The following OCA2 variants were observed in gnomAD, a reference collection of about 807,000 sequenced individuals.
OCA2 encodes the protein OCA2 melanosomal transmembrane protein.
In OCA2, 77 loss-of-function variants were observed where a neutral mutation model predicts 100.2. The observed-to-expected ratio is 0.77, with a 90% CI of 0.64 to 0.93. The LOEUF (loss-of-function observed/expected upper bound fraction) is 0.93, where lower values mean the gene tolerates loss of function less well. Among genes scored for constraint, OCA2 ranks in the 40% least tolerant of loss-of-function variants. The pLI, the probability that OCA2 is intolerant of heterozygous loss-of-function variation, is 0.00. For missense variants in OCA2, 1,062 were observed against 1,089.1 expected (o/e 0.98, Z 0.35); for synonymous variants, 432 against 439.2 (o/e 0.98, Z 0.21).
chr15:27,722,732 TTTCTTTC>T, the OCA2 span, among the ~76,000 whole-genome samples: 1 of 44,032 alleles, frequency 2.3e-5, no homozygotes, highest in Non-Finnish European at 8.1e-5. Flanking sequence ...TTCTTCTTTC[TTTCTTTC>T]TTCTTTCTTC....
At chr15:27,896,309 T>A in intron 19 of OCA2, 2 of 943,076 alleles carry the variant, frequency 2.1e-6, no homozygotes, top group Admixed American at 3.4e-5. Flanking sequence ...ATGTTGCAGA[T>A]TACATGTGCT....
At chr15:27,821,638 A>ATGTG (rs1308257698) in intron 23 of OCA2, among the ~76,000 whole-genome samples, 18 of 115,120 alleles carry the variant, frequency 1.6e-4, no homozygotes, top group Admixed American at 7.8e-4. Flanking sequence ...ACACTTGCAC[A>ATGTG]CAAGTGTGCA....
chr15:28,093,741 C>G (rs145167674), intron 1 of OCA2, among the ~76,000 whole-genome samples: 113 of 152,130 alleles, frequency 7.4e-4, no homozygotes, highest in African/African-American at 2.7e-3. Flanking sequence ...GCATGCATGC[C>G]GGGAAGACCA....
At chr15:27,764,266 T>C (rs755218461) in intron 23 of OCA2, among the ~76,000 whole-genome samples, 29 of 150,224 alleles carry the variant, frequency 1.9e-4, no homozygotes, top group Middle Eastern at 7.0e-3. Flanking sequence ...GGGGAGGAGA[T>C]TGGCATCAAA....
Position 27,957,688 on chromosome 15 carries a change from T to G in OCA2, c.1684A>C (p.Ser562Arg), listed in dbSNP as rs757332596. The change falls in exon 16 of 24, where the codon AGC becomes CGC. Residue 562 changes from serine (S) to arginine (R), a missense_variant. Coordinates refer to ENST00000354638, the MANE Select transcript of OCA2 (RefSeq NM_000275.3). The surrounding 1 kb of genome is among the most constrained non-coding windows in gnomAD (Gnocchi z 4.3). Reference sequence around the variant, plus strand: ...GCTGTCTCCTCGCGGCTGGCCGGGCTGATGCGCTGAGCAGTCAGGCGCCAG... The same window carrying G: ...GCTGTCTCCTCGCGGCTGGCCGGGCGGATGCGCTGAGCAGTCAGGCGCCAG... The part of the protein sequence containing the change: ...HVWRLTAQRI[S>R]PASREETAVR... The G allele has an allele frequency of 6.2e-7, 1 of 1,613,094 alleles. No individual in the cohort carries two copies. The highest frequency in any genetic ancestry group is 1.7e-5 in the Admixed American group (1 of 60,020).
At chr15:28,064,201 T>C (rs1006044752) in intron 2 of OCA2, among the ~76,000 whole-genome samples, 13 of 152,186 alleles carry the variant, frequency 8.5e-5, no homozygotes, top group Non-Finnish European at 1.3e-4. Flanking sequence ...ACAAGTCACT[T>C]CTCTCTCAGT....
chr15:27,957,496 G>C lies in OCA2; in HGVS notation c.1784+92C>G. ...ACAGTGTGCGTCACCTAAATATCAC[G>C]TATTAGTATACAGCTAATGTCGCTA... On this transcript the variant is annotated intron_variant, in intron 16 of 23. Coordinates refer to ENST00000354638, the MANE Select transcript of OCA2 (RefSeq NM_000275.3). This position sits in a 1 kb window ranked among gnomAD's most constrained non-coding sequence, Gnocchi z 4.3. 7.1e-7 allele frequency: 1 copy of C among 1,414,068 alleles called. No homozygotes were observed. Among genetic ancestry groups the C allele is most frequent in the Non-Finnish European group, 1.0e-6 (1 of 1,003,022 alleles). The allele number at this position is 1,414,068 out of a possible 1,614,324, so 87.6% of individuals were successfully genotyped here.
chr15:28,087,757 A>G (rs1347700120), intron 1 of OCA2, among the ~76,000 whole-genome samples: 1 of 152,076 alleles, frequency 6.6e-6, no homozygotes, highest in Non-Finnish European at 1.5e-5. Context: ...AAAAAATAAT[A>G]ATAAAATAAA....
At chr15:27,961,021 T>C (rs1474431771) in intron 15 of OCA2, among the ~76,000 whole-genome samples, 1 of 151,654 alleles carries the variant, frequency 6.6e-6, no homozygotes, top group African/African-American at 2.4e-5. Flanking sequence ...AGGCAACCTA[T>C]AGAATGGCAG....
rs11431064 is a variant in OCA2 at position 27,793,406 on chromosome 15, TAA to T, written c.2433-37936_2433-37935del. On this transcript the variant is annotated intron_variant, in intron 23 of 23. Transcript: ENST00000354638. ...AAACAATGAGCAGGACTTCCACCAT[TAA>T]AAAAAAAAAAAATTATTTCAGATGA... Among the ~76,000 whole-genome samples the T allele has an allele frequency of 6.3e-3, 928 of 148,002 alleles. 17 individuals are homozygous for T. The highest frequency in any genetic ancestry group is 0.021 in the African/African-American group (863 of 40,536).
rs143262109 is a variant in OCA2 at position 28,046,367 on chromosome 15, G to A, written c.228-14204C>T. 8.7e-3 allele frequency among the ~76,000 whole-genome samples: 1,318 copies of A among 152,320 alleles called. 27 individuals carry two copies. The highest frequency in any genetic ancestry group is 0.058 in the South Asian group (280 of 4,816). ...GATCTGTTACCACCCCTGGCCTGAAGGGGATAAAGGGAGGAGGCAGTTGTC... is the reference window on the plus strand; with the variant it reads ...GATCTGTTACCACCCCTGGCCTGAAAGGGATAAAGGGAGGAGGCAGTTGTC... On this transcript the variant is annotated intron_variant, in intron 2 of 23. Coordinates refer to ENST00000354638, the MANE Select transcript of OCA2 (RefSeq NM_000275.3).
downstream of OCA2, among the ~76,000 whole-genome samples, chr15:27,754,505 G>A (rs1448000163): frequency 6.6e-6 from 1 of 152,192 alleles, no homozygotes; most frequent in Non-Finnish European, 1.5e-5. Context: ...TGATGAGGCA[G>A]AGCAGAGGAG....
intron 18 of OCA2, among the ~76,000 whole-genome samples, chr15:27,945,794 G>A (rs1473180232): frequency 2.6e-5 from 4 of 152,080 alleles, no homozygotes; most frequent in Non-Finnish European, 5.9e-5. Flanking sequence ...GAGAGAATCT[G>A]GGGTACATTC....
At chr15:27,774,731 C>T (rs991108060) in intron 23 of OCA2, among the ~76,000 whole-genome samples, 5 of 152,150 alleles carry the variant, frequency 3.3e-5, no homozygotes, top group Admixed American at 1.3e-4. Context: ...GATGGGGCCC[C>T]AATCCGGGAA....
chr15:27,921,930 G>A (rs1201222846), intron 19 of OCA2, among the ~76,000 whole-genome samples: 2 of 152,070 alleles, frequency 1.3e-5, no homozygotes, highest in Non-Finnish European at 2.9e-5. Flanking sequence ...TCAAACTCCT[G>A]AAACATGTAT....
intron 23 of OCA2, among the ~76,000 whole-genome samples, chr15:27,806,484 C>A (rs1208076721): frequency 6.6e-6 from 1 of 152,196 alleles, no homozygotes; most frequent in Admixed American, 6.5e-5. Flanking sequence ...CGGCTCCGCT[C>A]CCTGGGCTAA....
In OCA2 at chr15:27,926,206, AT is replaced by A; in HGVS notation, c.1999del (p.Ile667PhefsTer6). ...GTGTAGAATTATCTCAAAATCATGAATATCAGCTAAAATTAGCAACCAGATG... is the reference window on the plus strand; with the variant it reads ...GTGTAGAATTATCTCAAAATCATGAAATCAGCTAAAATTAGCAACCAGATG... ...GAIWLLILAD[I>X]HDFEIILHRV... On this transcript the variant is annotated frameshift_variant, in exon 19 of 24. Coordinates refer to ENST00000354638, the MANE Select transcript of OCA2 (RefSeq NM_000275.3). LOFTEE classifies it high-confidence loss of function. 1 of 1,614,152 alleles carries A rather than the reference AT, an allele frequency of 6.2e-7. No individual in the cohort carries two copies. The highest frequency in any genetic ancestry group is 8.5e-7 in the Non-Finnish European group (1 of 1,180,002).
chr15:28,078,598 A>G (rs911039442), intron 2 of OCA2, among the ~76,000 whole-genome samples: 4 of 152,216 alleles, frequency 2.6e-5, no homozygotes, highest in Non-Finnish European at 4.4e-5. Flanking sequence ...CACCCGGCCA[A>G]CAACCACACA....
At chr15:27,786,751 G>A (rs907648652) in intron 23 of OCA2, among the ~76,000 whole-genome samples, 6 of 152,072 alleles carry the variant, frequency 3.9e-5, no homozygotes, top group East Asian at 3.9e-4. Context: ...AATAAAAGCC[G>A]TTTTACTTCT....
Sources: gnomAD v4.1 joint callset for allele counts (sites outside exome capture counted in the v4.1 genomes callset) on GRCh38, gnomAD v4.1.1 for gene constraint, Gnocchi (gnomAD v3.1) non-coding constraint, MANE v1.5 for transcripts, NCBI Gene and HGNC (gene_info 2026-07-23, HGNC 2026-07-21) for gene names.